Variants in CENPF observed in about 807,000 individuals in gnomAD.
The protein encoded by CENPF is AH antigen.
Under a neutral mutation model 307.3 loss-of-function variants are expected in CENPF, and 214 were observed. The ratio of observed to expected loss-of-function variants is 0.70; its 90% CI spans 0.62 to 0.78. CENPF has a LOEUF of 0.78. Among genes scored for constraint, CENPF ranks in the 30% least tolerant of loss-of-function variants. CENPF has a pLI of 0.00. For missense variants in CENPF, 3,401 were observed against 3,483.9 expected (o/e 0.98, Z 0.60); for synonymous variants, 1,259 against 1,270.6 (o/e 0.99, Z 0.19).
rs763771314 is a variant in CENPF at position 214,644,884 on chromosome 1, C to G, written c.5314C>G (p.Leu1772Val). 6.2e-7 allele frequency: 1 copy of G among 1,614,056 alleles called. No individual in the cohort carries two copies. The highest frequency in any genetic ancestry group is 8.5e-7 in the Non-Finnish European group (1 of 1,180,004). Residue 1772 changes from leucine to valine, a missense_variant, in exon 13 of 20, where the codon CTT (leucine) becomes GTT (valine). Transcript: ENST00000366955. ...GGGGAATCAGGAAGATATCCATAAT[C>G]TTCAACTGCGGGTAAAAGAGACATC... ...FLGNQEDIHNLQLRVKETSNE... is the reference protein window; with the variant it reads ...FLGNQEDIHNVQLRVKETSNE...
At chr1:214,607,942 A>C (rs1181044654) in intron 1 of CENPF, among the ~76,000 whole-genome samples, 1 of 152,148 alleles carries the variant, frequency 6.6e-6, no homozygotes, top group African/African-American at 2.4e-5. Flanking sequence ...CTTGGCCCCA[A>C]GTGCTGCCTC....
chr1:214,618,012 G>T (rs1020587007), intron 3 of CENPF, among the ~76,000 whole-genome samples: 3 of 152,170 alleles, frequency 2.0e-5, no homozygotes, highest in Admixed American at 6.5e-5. Flanking sequence ...TTTCCGCTGG[G>T]AAACTTACAA....
At position 214,640,829 on chromosome 1, in the gene CENPF, A is replaced by G; in HGVS notation, c.2491A>G (p.Arg831Gly). Residue 831 changes from arginine (R) to glycine (G), a missense_variant, in exon 12 of 20, where the codon AGA (arginine) becomes GGA (glycine). Physicochemically the swap from Arg to Gly is moderately radical, Grantham distance 125 (BLOSUM62 -2). Transcript: ENST00000366955. Reference sequence around the variant, plus strand: ...GAAAAATTCTGCCATCCTACAAAATAGAGTTGATTCACTTGAATTTTCATT... The same window carrying G: ...GAAAAATTCTGCCATCCTACAAAATGGAGTTGATTCACTTGAATTTTCATT... ...SPKNSAILQN[R>G]VDSLEFSLES... The G allele has an allele frequency of 6.2e-7, 1 of 1,604,366 alleles. No homozygotes were observed. The highest frequency in any genetic ancestry group is 1.7e-5 in the Admixed American group (1 of 57,810).
intron 10 of CENPF, among the ~76,000 whole-genome samples, chr1:214,636,182 A>G (rs943583195): frequency 6.6e-6 from 1 of 152,188 alleles, no homozygotes; most frequent in African/African-American, 2.4e-5. Flanking sequence ...CCCCTGTCAA[A>G]GTGCTTTAAG....
Position 214,658,866 on chromosome 1 carries a change from G to A in CENPF, c.8979G>A (p.Pro2993=), listed in dbSNP as rs1284259966. 1 of 1,613,924 alleles carries A rather than the reference G, an allele frequency of 6.2e-7. No individual in the cohort carries two copies. The highest frequency in any genetic ancestry group is 1.7e-5 in the Admixed American group (1 of 59,992). ...EVVKKGFADI[P]TGKTSPYILR... Reference sequence around the variant, plus strand: ...TGCCCTTAGGGTTTGCTGACATCCCGACAGGAAAGACTAGCCCATATATCC... The same window carrying A: ...TGCCCTTAGGGTTTGCTGACATCCCAACAGGAAAGACTAGCCCATATATCC... Residue 2993 remains proline, a synonymous_variant, in exon 19 of 20, where the codon CCG becomes CCA. Coordinates refer to ENST00000366955, the MANE Select transcript of CENPF (RefSeq NM_016343.4).
chr1:214,655,348 G>A lies in CENPF; in HGVS notation c.8430G>A (p.Glu2810=). 1 of 1,610,440 alleles carries A rather than the reference G, an allele frequency of 6.2e-7. No homozygotes were observed. The highest frequency in any genetic ancestry group is 1.1e-5 in the South Asian group (1 of 90,212). The stretch of plus-strand genomic sequence containing the variant: ...GTAAACAGCTGGAAGAGGAAAAGGA[G>A]ATACTGCAGAAAGAACTCTCTCAAC... ...KSCKQLEEEK[E]ILQKELSQLQ... is the part of the protein sequence containing the mutation. Residue 2810 remains glutamate, a synonymous_variant, in exon 17 of 20, where the codon GAG becomes GAA. Transcript: ENST00000366955.
intron 17 of CENPF, 90 bp downstream of exon 17, chr1:214,655,493 GT>G (rs1658607288): frequency 1.8e-6 from 2 of 1,121,962 alleles, no homozygotes; most frequent in East Asian, 5.5e-5. Context: ...ACTATTTTTA[GT>G]GCTGTGTTCT....
chr1:214,659,104 T>TG lies in CENPF; in HGVS notation c.9141+77dup. On this transcript the variant is annotated intron_variant, in intron 19 of 19. Coordinates refer to ENST00000366955, the MANE Select transcript of CENPF (RefSeq NM_016343.4). This position sits in a 1 kb window ranked among gnomAD's most constrained non-coding sequence, Gnocchi z 4.4. ...TAGTACCTGGGTGAGGATTGGACACTGCACCCCCGATTCAGGAGCGCTTTC... is the reference window on the plus strand; with the variant it reads ...TAGTACCTGGGTGAGGATTGGACACTGGCACCCCCGATTCAGGAGCGCTTTC... The TG allele has an allele frequency of 6.7e-7, 1 of 1,486,510 alleles. No homozygotes were observed. The highest frequency in any genetic ancestry group is 9.2e-7 in the Non-Finnish European group (1 of 1,081,212). 92.1% of individuals were successfully genotyped at this position (1,486,510 alleles called of 1,614,324 possible).
rs766247535 is a variant in CENPF, at chr1:214,645,935, A to G, written c.6365A>G (p.Glu2122Gly). Residue 2122 changes from glutamate (E) to glycine (G), a missense_variant, in exon 13 of 20, where the codon GAG becomes GGG. Physicochemically the swap from Glu to Gly is moderately conservative, Grantham distance 98. Transcript: ENST00000366955. Reference sequence around the variant, plus strand: ...GTGCATCAGCTGAGAAGAGGCATCGAGAAACTGAGAGTTCGCATTGAGGCC... The same window carrying G: ...GTGCATCAGCTGAGAAGAGGCATCGGGAAACTGAGAGTTCGCATTGAGGCC... ...EEVHQLRRGI[E>G]KLRVRIEADE... 1.2e-6 allele frequency: 2 copies of G among 1,614,186 alleles called. No individual in the cohort carries two copies. The highest frequency in any genetic ancestry group is 1.7e-6 in the Non-Finnish European group (2 of 1,180,042).
In CENPF at chr1:214,663,672, C is replaced by G. The variant is rs1455402541; in HGVS notation, c.9223C>G (p.Leu3075Val). 1 of 1,613,936 alleles carries G rather than the reference C, an allele frequency of 6.2e-7. No homozygotes were observed. The highest frequency in any genetic ancestry group is 8.5e-7 in the Non-Finnish European group (1 of 1,180,030). The change falls in exon 20 of 20, where the codon CTT becomes GTT. Residue 3075 changes from leucine (L) to valine (V), a missense_variant. Transcript: ENST00000366955. ...PTTKSVPVNN[L>V]PERSPTDSPR... ...CACGAAATCCGTCCCAGTCAATAAT[C>G]TTCCTGAGAGAAGTCCGACTGACAG...
Position 214,663,875 on chromosome 1 carries a change from C to T in CENPF, c.*81C>T, listed in dbSNP as rs1226099819. 7.3e-6 allele frequency: 8 copies of T among 1,101,772 alleles called. No individual in the cohort carries two copies. Among genetic ancestry groups the T allele is most frequent in the South Asian group, 1.5e-5 (1 of 68,810 alleles). The allele number at this position is 1,101,772 out of a possible 1,614,324, so 68.2% of individuals were successfully genotyped here. ...TGTGCCTACAGGACTTCTCTTTAGT[C>T]AGGGCATGCTTTATTAGTGAGGAGA... On this transcript the variant is annotated 3_prime_UTR_variant, in exon 20 of 20. Transcript: ENST00000366955.
intron 1 of CENPF, chr1:214,605,437 C>A: frequency 2.0e-6 from 1 of 506,838 alleles, no homozygotes; most frequent in Non-Finnish European, 3.5e-6. Context: ...GAAGAATCCG[C>A]TTTGTTTTTT....
chr1:214,648,665 GA>G lies in CENPF; in HGVS notation c.7831-7del. ...CAAAAAGCAGATTCTAATGAAAGAT[GA>G]AATTTCAGGTAAACAAAATGACTGC... On this transcript the variant is annotated splice_polypyrimidine_tract_variant and intron_variant, in intron 13 of 19. Transcript: ENST00000366955. The G allele has an allele frequency of 6.2e-7, 1 of 1,611,152 alleles. No individual in the cohort carries two copies. Among genetic ancestry groups the G allele is most frequent in the Non-Finnish European group, 8.5e-7 (1 of 1,179,052 alleles).
intron 1 of CENPF, chr1:214,606,135 G>A (rs1571689332): frequency 2.0e-6 from 3 of 1,500,528 alleles, no homozygotes; most frequent in East Asian, 2.4e-5. Context: ...CACCCTTCCC[G>A]CCAGCGGGCG....
In CENPF at chr1:214,645,282, G is replaced by C; in HGVS notation, c.5712G>C (p.Leu1904=). ...KERFLDVENE[L]SRIRSEKASI... The stretch of plus-strand genomic sequence containing the variant: ...GATTTCTTGATGTGGAAAATGAGCT[G>C]AGTAGGATCAGATCGGAGAAAGCTA... The change falls in exon 13 of 20, where the codon CTG becomes CTC. Residue 1904 remains leucine (L), a synonymous_variant. Coordinates refer to ENST00000366955, the MANE Select transcript of CENPF (RefSeq NM_016343.4). The C allele has an allele frequency of 6.2e-7, 1 of 1,614,118 alleles. No homozygotes were observed. The highest frequency in any genetic ancestry group is 8.5e-7 in the Non-Finnish European group (1 of 1,180,014).
chr1:214,608,144 G>A (rs1404643988), intron 1 of CENPF, among the ~76,000 whole-genome samples: 3 of 152,234 alleles, frequency 2.0e-5, no homozygotes, highest in Non-Finnish European at 2.9e-5. Context: ...TGTGGAGGCT[G>A]CACCTGCACA....
intron 11 of CENPF, 127 bp downstream of exon 11, chr1:214,638,128 C>T (rs1464620392): frequency 2.0e-5 from 19 of 970,140 alleles, no homozygotes; most frequent in East Asian, 1.1e-4. Flanking sequence ...AAAAGATGTG[C>T]GCAGTTGATG....
chr1:214,619,520 G>A (rs561717304), intron 5 of CENPF, among the ~76,000 whole-genome samples: 34 of 152,256 alleles, frequency 2.2e-4, no homozygotes, highest in African/African-American at 8.2e-4. Context: ...GAGACAGTGG[G>A]GCCAGAGAAT....
Position 214,645,360 on chromosome 1 carries a change from A to C in CENPF, c.5790A>C (p.Thr1930=). The C allele has an allele frequency of 6.2e-7, 1 of 1,614,182 alleles. No homozygotes were observed. Among genetic ancestry groups the C allele is most frequent in the South Asian group, 1.1e-5 (1 of 91,084 alleles). Residue 1930 remains threonine, a synonymous_variant, in exon 13 of 20, where the codon ACA becomes ACC. Transcript: ENST00000366955. The part of the protein sequence containing the change: ...YLEADLEVVQ[T]EKLCLEKDNE... ...AGGCTGACTTAGAGGTAGTTCAAAC[A>C]GAGAAGCTATGTTTAGAAAAAGACA... is the stretch of plus-strand genomic sequence containing the variant.
Sources: gnomAD v4.1 joint callset for allele counts (sites outside exome capture counted in the v4.1 genomes callset) on GRCh38, gnomAD v4.1.1 for gene constraint, Gnocchi (gnomAD v3.1) non-coding constraint, MANE v1.5 for transcripts, NCBI Gene and HGNC (gene_info 2026-07-23, HGNC 2026-07-21) for gene names.